The following CAD variants were observed in gnomAD, a reference collection of about 807,000 sequenced individuals.
CAD encodes the protein carbamoyl-phosphate synthetase 2, aspartate transcarbamylase, and dihydroorotase, also known as multifunctional protein CAD.
Under a neutral mutation model 237.2 loss-of-function variants are expected in CAD, and 81 were observed. That is an observed-to-expected ratio of 0.34 (90% confidence interval 0.29 to 0.41). The LOEUF (loss-of-function observed/expected upper bound fraction) is 0.41, where lower values mean the gene tolerates loss of function less well. CAD is among the 10% of genes least tolerant of loss of function. The probability of loss-of-function intolerance (pLI) is 1.00; values close to 1 mark genes in which losing one functional copy is unlikely to be tolerated. For missense variants in CAD, 2,181 were observed against 2,951.7 expected (o/e 0.74, Z 6.05); for synonymous variants, 1,196 against 1,162.8 (o/e 1.03, Z -0.58).
rs765931778 is a variant in CAD at position 27,240,982 on chromosome 2, A to G, written c.5638+27A>G. On this transcript the variant is annotated intron_variant, in intron 36 of 43. Coordinates refer to ENST00000264705, the MANE Select transcript of CAD (RefSeq NM_004341.5). The surrounding 1 kb of genome is among the most constrained non-coding windows in gnomAD (Gnocchi z 4.6). ...TGAGACTCCACCCTGACACACACTCACCTCGGGGACCTCTGATCTGGCCTT... is the reference window on the plus strand; with the variant it reads ...TGAGACTCCACCCTGACACACACTCGCCTCGGGGACCTCTGATCTGGCCTT... 2.5e-6 allele frequency: 4 copies of G among 1,613,450 alleles called. No individual in the cohort carries two copies. Among genetic ancestry groups the G allele is most frequent in the African/African-American group, 1.3e-5 (1 of 74,710 alleles).
At position 27,235,800 on chromosome 2, in the gene CAD, G is replaced by T; in HGVS notation, c.4074+160G>T. 1.6e-6 allele frequency: 1 copy of T among 622,416 alleles called. No individual in the cohort carries two copies. Among genetic ancestry groups the T allele is most frequent in the South Asian group, 2.0e-5 (1 of 51,170 alleles). 38.6% of individuals were successfully genotyped at this position (622,416 alleles called of 1,614,324 possible). ...GAATCTCTTGAGCCCAGGAGGTAGAGGCTGCAGTGAGCTGCGAGTGTGCAG... is the reference window on the plus strand; with the variant it reads ...GAATCTCTTGAGCCCAGGAGGTAGATGCTGCAGTGAGCTGCGAGTGTGCAG... On this transcript the variant is annotated intron_variant, in intron 25 of 43. Coordinates refer to ENST00000264705, the MANE Select transcript of CAD (RefSeq NM_004341.5). The surrounding 1 kb of genome is among the most constrained non-coding windows in gnomAD (Gnocchi z 5.2).
chr2:27,221,753 ATTTTTTTTTT>A (rs57429918), intron 3 of CAD, among the ~76,000 whole-genome samples: 5 of 103,492 alleles, frequency 4.8e-5, no homozygotes, highest in Admixed American at 1.1e-4. Flanking sequence ...AAATTTCCCA[ATTTTTTTTTT>A]TTTTTTTTTT....
In CAD at chr2:27,241,498, C is replaced by CCTG; in HGVS notation, c.5883+102_5883+103insCTG. 1 of 1,070,774 alleles carries CCTG rather than the reference C, an allele frequency of 9.3e-7. No homozygotes were observed. The highest frequency in any genetic ancestry group is 1.4e-6 in the Non-Finnish European group (1 of 696,518). 66.3% of individuals were successfully genotyped at this position (1,070,774 alleles called of 1,614,324 possible). Reference sequence around the variant, plus strand: ...TCAGAGTGGGTCTTCCTCCCCCTGCCATCCCGTCCCCTTATGCTAGTCCAT... The same window carrying CCTG: ...TCAGAGTGGGTCTTCCTCCCCCTGCCCTGATCCCGTCCCCTTATGCTAGTCCAT... On this transcript the variant is annotated intron_variant, in intron 38 of 43. Coordinates refer to ENST00000264705, the MANE Select transcript of CAD (RefSeq NM_004341.5). The surrounding 1 kb of genome is among the most constrained non-coding windows in gnomAD (Gnocchi z 4.6).
intron 2 of CAD, among the ~76,000 whole-genome samples, chr2:27,219,168 C>G (rs942602023): frequency 1.3e-5 from 2 of 152,182 alleles, no homozygotes; most frequent in African/African-American, 4.8e-5. Flanking sequence ...CTCCACCTGG[C>G]CAGGGAGGGT....
intron 1 of CAD, 98 bp from the exon 2 acceptor site, chr2:27,217,779 C>A (rs1352171874): frequency 6.8e-7 from 1 of 1,475,172 alleles, no homozygotes; most frequent in South Asian, 1.3e-5. Context: ...GCCATAAACC[C>A]CTCGCGACCA....
At chr2:27,222,369 T>A in intron 4 of CAD, 33 bp downstream of exon 4, 2 of 1,596,320 alleles carry the variant, frequency 1.3e-6, no homozygotes, top group Non-Finnish European at 1.7e-6. Flanking sequence ...TGTTGCAAGC[T>A]CTAGCACAGT....
chr2:27,242,668 G>T lies in CAD; in HGVS notation c.6271G>T (p.Ala2091Ser). 1 of 1,613,366 alleles carries T rather than the reference G, an allele frequency of 6.2e-7. No homozygotes were observed. The highest frequency in any genetic ancestry group is 8.5e-7 in the Non-Finnish European group (1 of 1,179,520). ...GCACGGACGCACAGTACATTCCCTGGCCTGCCTGCTCACCCAGTATCGTGT... is the reference window on the plus strand; with the variant it reads ...GCACGGACGCACAGTACATTCCCTGTCCTGCCTGCTCACCCAGTATCGTGT... Reference protein sequence around the residue: ...LKHGRTVHSLACLLTQYRVSL... With the variant: ...LKHGRTVHSLSCLLTQYRVSL... The change falls in exon 41 of 44, where the codon GCC becomes TCC. Residue 2091 changes from alanine to serine, a missense_variant. Coordinates refer to ENST00000264705, the MANE Select transcript of CAD (RefSeq NM_004341.5). The surrounding 1 kb of genome is among the most constrained non-coding windows in gnomAD (Gnocchi z 6.4).
Position 27,232,297 on chromosome 2 carries a change from G to C in CAD, c.2645+73G>C, listed in dbSNP as rs1675798924. On this transcript the variant is annotated intron_variant, in intron 17 of 43. Coordinates refer to ENST00000264705, the MANE Select transcript of CAD (RefSeq NM_004341.5). The surrounding 1 kb of genome is among the most constrained non-coding windows in gnomAD (Gnocchi z 4.1). ...CCTTTGTATCAGTGAGGGACCCTTG[G>C]GAGGGAGGAAGGAGAGTGTGGGAGA... The C allele has an allele frequency of 6.3e-7, 1 of 1,594,000 alleles. No individual in the cohort carries two copies.
At chr2:27,226,073 GC>G in intron 12 of CAD, 57 bp from the exon 13 acceptor site, 1 of 1,553,330 alleles carries the variant, frequency 6.4e-7, no homozygotes, top group Non-Finnish European at 8.9e-7. Context: ...CTGGGGTGCA[GC>G]CTTCTGCCTC....
Position 27,241,391 on chromosome 2 carries a change from C to A in CAD, c.5878C>A (p.Leu1960Met). ...MVQKERSLDI[L>M]KGKVMASMFY... ...GCAGAAGGAGCGGAGCCTCGACATC[C>A]TGAAGGTCAGGATCAGGGCCGGGGG... is the stretch of plus-strand genomic sequence containing the variant. The change falls in exon 38 of 44, where the codon CTG (leucine) becomes ATG (methionine). Residue 1960 changes from leucine to methionine, a missense_variant. Around this residue, in one of 12 missense-constraint regions of CAD, gnomAD observed 203 missense variants for 284.5 expected, o/e 0.71. Transcript: ENST00000264705. This position sits in a 1 kb window ranked among gnomAD's most constrained non-coding sequence, Gnocchi z 4.6. 1 of 1,614,210 alleles carries A rather than the reference C, an allele frequency of 6.2e-7. No homozygotes were observed. Among genetic ancestry groups the A allele is most frequent in the Non-Finnish European group, 8.5e-7 (1 of 1,180,018 alleles).
chr2:27,240,974 A>G lies in CAD; in HGVS notation c.5638+19A>G, dbSNP rs762534889. ...GAGCCAGGTGAGACTCCACCCTGAC[A>G]CACACTCACCTCGGGGACCTCTGAT... On this transcript the variant is annotated intron_variant, in intron 36 of 43. Coordinates refer to ENST00000264705, the MANE Select transcript of CAD (RefSeq NM_004341.5). This position sits in a 1 kb window ranked among gnomAD's most constrained non-coding sequence, Gnocchi z 4.6. The G allele has an allele frequency of 1.7e-5, 27 of 1,613,946 alleles. No homozygotes were observed. The highest frequency in any genetic ancestry group is 2.2e-5 in the Non-Finnish European group (26 of 1,179,978).
rs1675372929 is a variant in CAD, at chr2:27,225,187, A to G, written c.1564A>G (p.Met522Val). 5.0e-6 allele frequency: 8 copies of G among 1,614,032 alleles called. No homozygotes were observed. Among genetic ancestry groups the G allele is most frequent in the East Asian group, 2.2e-5 (1 of 44,870 alleles). Reference protein sequence around the residue: ...TEDRRAFAARMAEIGEHVAPS... With the variant: ...TEDRRAFAARVAEIGEHVAPS... ...GGATCGACGGGCCTTTGCTGCCAGA[A>G]TGGCAGAGATCGGAGAGCATGTGGC... Residue 522 changes from methionine to valine, a missense_variant, in exon 11 of 44, where the codon ATG becomes GTG. Physicochemically the swap from Met to Val is conservative, Grantham distance 21. Transcript: ENST00000264705.
rs17005965 is a variant in CAD at position 27,231,723 on chromosome 2, G to C, written c.2400+143G>C. On this transcript the variant is annotated intron_variant, in intron 16 of 43. Transcript: ENST00000264705. ...GTTTCCACTTTGCTGAGAATTTTGA[G>C]ATGTCTCATTAGCACGCAAGGGTGT... The C allele has an allele frequency of 4.5e-4, 304 of 675,718 alleles. 1 individual carries two copies. The East Asian group carries it at 7.4e-3, about 17-fold the overall frequency. 41.9% of individuals were successfully genotyped at this position (675,718 alleles called of 1,614,324 possible). A position where few individuals can be genotyped will look rare whatever the true frequency, so the allele number is the denominator to read the frequency against.
intron 2 of CAD, among the ~76,000 whole-genome samples, chr2:27,220,656 CAAAAA>C (rs111297719): frequency 4.7e-5 from 6 of 127,088 alleles, no homozygotes; most frequent in African/African-American, 1.5e-4. Flanking sequence ...GACCCTGTCT[CAAAAA>C]AAAAAAAAAG....
Position 27,224,365 on chromosome 2 carries a change from C to A in CAD, c.1129C>A (p.Arg377Ser). ...GQTVRERLTE[R>S]LCPPGIPTPG... ...CACAGTTAGAGAGCGGCTGACTGAGCGCCTCTGTCCCCCTGGGATTCCCAC... is the reference window on the plus strand; with the variant it reads ...CACAGTTAGAGAGCGGCTGACTGAGAGCCTCTGTCCCCCTGGGATTCCCAC... The change falls in exon 9 of 44, where the codon CGC (arginine) becomes AGC (serine). Residue 377 changes from arginine (R) to serine (S), a missense_variant. Arg to Ser is a moderately radical substitution (Grantham distance 110). Around this residue, in one of 12 missense-constraint regions of CAD, gnomAD observed 129 missense variants for 143.3 expected, o/e 0.90. Coordinates refer to ENST00000264705, the MANE Select transcript of CAD (RefSeq NM_004341.5). 6.2e-7 allele frequency: 1 copy of A among 1,614,188 alleles called. No homozygotes were observed. The highest frequency in any genetic ancestry group is 8.5e-7 in the Non-Finnish European group (1 of 1,180,026).
rs748722932 is a variant in CAD at position 27,239,806 on chromosome 2, C to A, written c.5496+8C>A. On this transcript the variant is annotated splice_region_variant and intron_variant, in intron 34 of 43. Transcript: ENST00000264705. The surrounding 1 kb of genome is among the most constrained non-coding windows in gnomAD (Gnocchi z 4.0). Reference sequence around the variant, plus strand: ...ACTAGTGAGATGACCACGGTATCCACACTACTGGGCTAGGGGGCTGGGAGG... The same window carrying A: ...ACTAGTGAGATGACCACGGTATCCAAACTACTGGGCTAGGGGGCTGGGAGG... 19 of 1,525,838 alleles carry A rather than the reference C, an allele frequency of 1.2e-5. No homozygotes were observed. The South Asian group carries it at 1.7e-4, about 13-fold the overall frequency. The allele number at this position is 1,525,838 out of a possible 1,614,324, so 94.5% of individuals were successfully genotyped here.
At chr2:27,217,808 CG>C in intron 1 of CAD, 68 bp from the exon 2 acceptor site, 1 of 1,517,782 alleles carries the variant, frequency 6.6e-7, no homozygotes, top group South Asian at 1.3e-5. Flanking sequence ...TCCACTGGGG[CG>C]TGCTCATCGC....
rs1676130698 is a variant in CAD at position 27,238,434 on chromosome 2, C to G, written c.4864C>G (p.Leu1622Val). The change falls in exon 31 of 44, where the codon CTG becomes GTG. Residue 1622 changes from leucine to valine, a missense_variant. By Grantham distance (32) the Leu-to-Val change is conservative (BLOSUM62 1). Coordinates refer to ENST00000264705, the MANE Select transcript of CAD (RefSeq NM_004341.5). ...ICHVARKEEI[L>V]LIKAAKARGL... ...GGATCTTCCCATTGTTCCCCAGATC[C>G]TGCTAATTAAAGCTGCAAAGGCACG... 1 of 1,571,538 alleles carries G rather than the reference C, an allele frequency of 6.4e-7. No homozygotes were observed. The highest frequency in any genetic ancestry group is 8.6e-7 in the Non-Finnish European group (1 of 1,157,746).
At position 27,217,594 on chromosome 2, in the gene CAD, C is replaced by T. The variant is rs1558524067; in HGVS notation, c.43C>T (p.Gln15Ter). The change falls in exon 1 of 44, where the codon CAG becomes TAG. Residue 15 changes from glutamine (Q) to a stop codon, truncating the protein, a stop_gained. Transcript: ENST00000264705. LOFTEE classifies it high-confidence loss of function. ...GGAGGACGGGTCGGTCCTGCGGGGC[C>T]AGCCCTTTGGGGCCGCCGTGTCGAC... The part of the protein sequence containing the change: ...VLEDGSVLRG[Q>*]PFGAAVSTAG... 1 of 1,609,038 alleles carries T rather than the reference C, an allele frequency of 6.2e-7. No homozygotes were observed. Among genetic ancestry groups the T allele is most frequent in the Non-Finnish European group, 8.5e-7 (1 of 1,178,176 alleles).
Sources: gnomAD v4.1 joint callset for allele counts (sites outside exome capture counted in the v4.1 genomes callset) on GRCh38, gnomAD v4.1.1 for gene constraint, gnomAD v4.1.1 regional missense constraint, Gnocchi (gnomAD v3.1) non-coding constraint, MANE v1.5 for transcripts, NCBI Gene and HGNC (gene_info 2026-07-23, HGNC 2026-07-21) for gene names.